The following PAPPA2 variants were observed in gnomAD, a reference collection of about 807,000 sequenced individuals.
The protein encoded by PAPPA2 is pappalysin 2.
In PAPPA2, 86 loss-of-function variants were observed where a neutral mutation model predicts 176.4. That is an observed-to-expected ratio of 0.49 (90% CI 0.41 to 0.58). The LOEUF is 0.58. Among genes scored for constraint, PAPPA2 ranks in the 20% least tolerant of loss-of-function variants. The probability of loss-of-function intolerance (pLI) is 0.00; values close to 1 mark genes in which losing one functional copy is unlikely to be tolerated. For missense variants in PAPPA2, 2,073 were observed against 2,256.9 expected (o/e 0.92, Z 1.65); for synonymous variants, 809 against 852.2 (o/e 0.95, Z 0.88).
At chr1:176,667,426 G>A (rs921535169) in intron 3 of PAPPA2, among the ~76,000 whole-genome samples, 2 of 152,056 alleles carry the variant, frequency 1.3e-5, no homozygotes, top group South Asian at 2.1e-4. Context: ...GGAGTATATG[G>A]GAATGAGTAG....
At chr1:176,770,907 A>G (rs140031715) in intron 16 of PAPPA2, 60 bp from the exon 17 acceptor site, 19 of 1,504,944 alleles carry the variant, frequency 1.3e-5, no homozygotes, top group African/African-American at 1.2e-4. Context: ...TTCATCTGCT[A>G]TGATTATCTT....
chr1:176,800,324 A>G (rs1037994348), intron 21 of PAPPA2, among the ~76,000 whole-genome samples, 192 bp downstream of exon 21: 2 of 152,152 alleles, frequency 1.3e-5, no homozygotes, highest in Non-Finnish European at 2.9e-5. Context: ...GTTTTGTTTT[A>G]GCAAAATCTT....
chr1:176,477,871 T>A (rs1652213124), intron 1 of PAPPA2, among the ~76,000 whole-genome samples: 1 of 152,216 alleles, frequency 6.6e-6, no homozygotes, highest in Non-Finnish European at 1.5e-5. Flanking sequence ...TTGAAAAACA[T>A]TGCTATAAGG....
chr1:176,810,919 G>C (rs1001558344), intron 21 of PAPPA2, among the ~76,000 whole-genome samples: 3 of 152,158 alleles, frequency 2.0e-5, no homozygotes, highest in African/African-American at 7.2e-5. Flanking sequence ...TTGCTTCTCT[G>C]ATCCCGAATC....
chr1:176,539,058 C>T (rs1347698018), intron 1 of PAPPA2, among the ~76,000 whole-genome samples: 1 of 152,144 alleles, frequency 6.6e-6, no homozygotes. Flanking sequence ...AACGGAGATT[C>T]AAGTTTAATA....
intron 1 of PAPPA2, among the ~76,000 whole-genome samples, chr1:176,496,864 G>T (rs6425387): frequency 0.08 from 12,179 of 152,176 alleles, 609 homozygotes; most frequent in South Asian, 0.16. Flanking sequence ...ACTTGTCCAC[G>T]GTCACATTAC....
chr1:176,779,692 A>C (rs141885244), intron 17 of PAPPA2, among the ~76,000 whole-genome samples: 45 of 152,316 alleles, frequency 3.0e-4, no homozygotes, highest in South Asian at 1.2e-3. Context: ...ATGTATGACT[A>C]TCCCTATTTT....
chr1:176,672,372 G>T (rs1176165562), intron 4 of PAPPA2, among the ~76,000 whole-genome samples: 1 of 152,040 alleles, frequency 6.6e-6, no homozygotes, highest in Non-Finnish European at 1.5e-5. Flanking sequence ...CTGCAAAGTT[G>T]GTCTTCCTAG....
chr1:176,816,317 A>G (rs4263959), intron 21 of PAPPA2, among the ~76,000 whole-genome samples: 145,982 of 146,498 alleles, frequency 1, 72,735 homozygotes, highest in Middle Eastern at 1. Flanking sequence ...TTTGATTTAG[A>G]ACTTTATCTC....
rs1301076306 is a variant in PAPPA2 at position 176,842,512 on chromosome 1, C to A, written c.*58C>A. ...AGAGGCAGTAAGAAAGAGAGGCCGA[C>A]CCAGGAGGAAACAAAGGGTGAATGA... On this transcript the variant is annotated 3_prime_UTR_variant, in exon 23 of 23. Transcript: ENST00000367662. The A allele has an allele frequency of 3.4e-6, 5 of 1,458,178 alleles. No homozygotes were observed. The African/African-American group carries it at 7.0e-5, about 20-fold the overall frequency. 90.3% of individuals were successfully genotyped at this position (1,458,178 alleles called of 1,614,324 possible).
At chr1:176,842,223 T>C (rs1667514165) in intron 22 of PAPPA2, among the ~76,000 whole-genome samples, 157 bp from the exon 23 acceptor site, 1 of 152,158 alleles carries the variant, frequency 6.6e-6, no homozygotes, top group Non-Finnish European at 1.5e-5. Context: ...GGTGACATGA[T>C]GTGTGAGTGG....
intron 17 of PAPPA2, among the ~76,000 whole-genome samples, chr1:176,777,589 G>T (rs777166831): frequency 1.3e-5 from 2 of 151,962 alleles, no homozygotes; most frequent in Non-Finnish European, 2.9e-5. Context: ...AATTATACAG[G>T]CTCTGGCATT....
chr1:176,724,961 T>G (rs1043574361), intron 12 of PAPPA2, among the ~76,000 whole-genome samples: 20 of 152,270 alleles, frequency 1.3e-4, no homozygotes, highest in Middle Eastern at 3.4e-3. Flanking sequence ...GAAATCCAGT[T>G]TATGGAAAAA....
At chr1:176,735,015 A>T (rs1160633227) in intron 12 of PAPPA2, among the ~76,000 whole-genome samples, 1 of 152,180 alleles carries the variant, frequency 6.6e-6, no homozygotes, top group Admixed American at 6.5e-5. Flanking sequence ...TTCAGTCAAC[A>T]TAATACAGAG....
Position 176,615,647 on chromosome 1 carries a change from A to G in PAPPA2, c.1991+20052A>G, listed in dbSNP as rs551854676. Among the ~76,000 whole-genome samples the G allele has an allele frequency of 3.9e-5, 6 of 152,312 alleles. No homozygotes were observed. In the East Asian group the frequency reaches 1.2e-3, roughly 29 times the overall value. Reference sequence around the variant, plus strand: ...TGGCCTGGAGGTTTTTAATAAAAGCACAAAGTGAGATTTATAGAAACACAT... The same window carrying G: ...TGGCCTGGAGGTTTTTAATAAAAGCGCAAAGTGAGATTTATAGAAACACAT... On this transcript the variant is annotated intron_variant, in intron 3 of 22. Transcript: ENST00000367662.
chr1:176,749,632 C>A (rs1379293055), intron 14 of PAPPA2, among the ~76,000 whole-genome samples: 1 of 152,216 alleles, frequency 6.6e-6, no homozygotes, highest in African/African-American at 2.4e-5. Context: ...CTGTCCCAAA[C>A]TTCTCACAAC....
intron 15 of PAPPA2, among the ~76,000 whole-genome samples, chr1:176,767,195 A>G (rs895853765): frequency 6.6e-5 from 10 of 152,240 alleles, no homozygotes; most frequent in African/African-American, 2.4e-4. Context: ...AAATGCAGGG[A>G]CTGAATCCAC....
At chr1:176,599,642 A>G (rs763447209) in intron 3 of PAPPA2, among the ~76,000 whole-genome samples, 28 of 151,616 alleles carry the variant, frequency 1.8e-4, no homozygotes, top group Non-Finnish European at 3.2e-4. Flanking sequence ...AAATTTTAAG[A>G]TAAGCATTTT....
chr1:176,726,913 A>G (rs1571234407), intron 12 of PAPPA2, among the ~76,000 whole-genome samples: 1 of 152,198 alleles, frequency 6.6e-6, no homozygotes, highest in African/African-American at 2.4e-5. Context: ...TTCTGTGGAG[A>G]AATAATATAT....
Sources: allele counts gnomAD v4.1 joint callset (sites outside exome capture counted in the v4.1 genomes callset), GRCh38; gene constraint gnomAD v4.1.1; transcripts MANE v1.5; gene names NCBI Gene and HGNC (gene_info 2026-07-23, HGNC 2026-07-21).